Variants in SMC6 observed in about 807,000 individuals in gnomAD.
SMC6 encodes structural maintenance of chromosomes protein 6.
A neutral mutation model predicts 142.2 loss-of-function variants in SMC6; 79 were observed. The observed-to-expected ratio is 0.56, with a 90% CI of 0.46 to 0.67. SMC6 has a LOEUF of 0.67. Among genes scored for constraint, SMC6 ranks in the 30% least tolerant of loss-of-function variants. The pLI is 0.00. For synonymous variants in SMC6, 411 were observed against 412.4 expected, an observed-to-expected ratio of 1.00 and a Z score of 0.04; for missense variants, 1,072 against 1,284.0, an observed-to-expected ratio of 0.83 and a Z score of 2.52.
In SMC6 at chr2:17,731,894, G is replaced by T; in HGVS notation, c.345-17C>A. On this transcript the variant is annotated splice_polypyrimidine_tract_variant and intron_variant, in intron 5 of 27. Coordinates refer to ENST00000448223, the MANE Select transcript of SMC6 (RefSeq NM_001142286.2). ...TCTGCAGAGCTGAAAGAATGAGGTT[G>T]AGCTAAGTTACATGAAGATACAGTG... 1 of 1,609,778 alleles carries T rather than the reference G, an allele frequency of 6.2e-7. No homozygotes were observed. Among genetic ancestry groups the T allele is most frequent in the South Asian group, 1.1e-5 (1 of 90,332 alleles).
intron 16 of SMC6, among the ~76,000 whole-genome samples, chr2:17,714,306 C>T (rs1668975001): frequency 6.6e-6 from 1 of 152,000 alleles, no homozygotes; most frequent in South Asian, 2.1e-4. Flanking sequence ...GTTGCCCAGG[C>T]TCGTCTTGAA....
Position 17,667,918 on chromosome 2 carries a change from G to C in SMC6, c.3064-1401C>G, listed in dbSNP as rs542478586. Among the ~76,000 whole-genome samples, 11 of 152,300 alleles carry C rather than the reference G, an allele frequency of 7.2e-5. No individual in the cohort carries two copies. In the East Asian group the frequency reaches 1.9e-3, roughly 27 times the overall value. ...AATACAGCATGGTGATTTAGAACAA[G>C]GGCTGTGGAGTCAAAATGGGATACA... On this transcript the variant is annotated intron_variant, in intron 26 of 27. Transcript: ENST00000448223.
rs1666403783 is a variant in SMC6 at position 17,664,441 on chromosome 2, A to G, written c.*1058T>C. ...CTTTTTCTGAAAATAGTTCAATTTC[A>G]TATTTATTCTAATATTTATTGCTAC... On this transcript the variant is annotated 3_prime_UTR_variant, in exon 28 of 28. Transcript: ENST00000448223. 1 of 152,174 alleles carries G rather than the reference A, an allele frequency of 6.6e-6. No individual in the cohort carries two copies. Among genetic ancestry groups the G allele is most frequent in the Non-Finnish European group, 1.5e-5 (1 of 68,028 alleles). The allele number at this position is 152,174 out of a possible 1,614,324, so 9.4% of individuals were successfully genotyped here.
At chr2:17,705,941 G>A (rs1294625605) in intron 18 of SMC6, among the ~76,000 whole-genome samples, 1 of 151,984 alleles carries the variant, frequency 6.6e-6, no homozygotes, top group Non-Finnish European at 1.5e-5. Flanking sequence ...TCACTCTCTT[G>A]CCCCACACTA....
At chr2:17,743,319 A>G (rs1670569474) in intron 3 of SMC6, among the ~76,000 whole-genome samples, 1 of 152,182 alleles carries the variant, frequency 6.6e-6, no homozygotes, top group South Asian at 2.1e-4. Flanking sequence ...ATGTGTCTCC[A>G]TTTATTCAGG....
At position 17,673,080 on chromosome 2, in the gene SMC6, T is replaced by C. The variant is rs890357761; in HGVS notation, c.2911-2505A>G. Reference sequence around the variant, plus strand: ...CCTCACCAGCACAAAATATTGCCAGTCTTGTTCATTTTCATCATCATCATA... The same window carrying C: ...CCTCACCAGCACAAAATATTGCCAGCCTTGTTCATTTTCATCATCATCATA... On this transcript the variant is annotated intron_variant, in intron 25 of 27. Transcript: ENST00000448223. Among the ~76,000 whole-genome samples, 3 of 152,170 alleles carry C rather than the reference T, an allele frequency of 2.0e-5. 1 individual carries two copies. Among genetic ancestry groups the C allele is most frequent in the South Asian group, 4.1e-4 (2 of 4,826 alleles).
At chr2:17,713,263 T>C (rs1430366803) in intron 16 of SMC6, 1 of 317,456 alleles carries the variant, frequency 3.2e-6, no homozygotes, top group Non-Finnish European at 6.2e-6. Context: ...ACTAGGCTTT[T>C]GTATCTTAAG....
intron 16 of SMC6, among the ~76,000 whole-genome samples, chr2:17,710,006 G>A (rs1572305930): frequency 6.6e-6 from 1 of 152,304 alleles, no homozygotes; most frequent in East Asian, 1.9e-4. Flanking sequence ...CAGGCCTAGA[G>A]GTCACAGTCA....
At chr2:17,740,491 T>C (rs1188571730) in intron 4 of SMC6, among the ~76,000 whole-genome samples, 1 of 152,176 alleles carries the variant, frequency 6.6e-6, no homozygotes, top group East Asian at 1.9e-4. Flanking sequence ...TTTTTCCCCT[T>C]CTAATCCATT....
At chr2:17,748,449 T>C (rs1670861827) in intron 2 of SMC6, among the ~76,000 whole-genome samples, 1 of 152,230 alleles carries the variant, frequency 6.6e-6, no homozygotes, top group Non-Finnish European at 1.5e-5. Flanking sequence ...ATATTTAACC[T>C]AAACAAATGC....
At chr2:17,699,908 G>A (rs1668187565) in intron 21 of SMC6, among the ~76,000 whole-genome samples, 1 of 151,772 alleles carries the variant, frequency 6.6e-6, no homozygotes, top group Non-Finnish European at 1.5e-5. Context: ...CATTGTACAC[G>A]TACGAGACGT....
intron 3 of SMC6, among the ~76,000 whole-genome samples, chr2:17,743,811 T>C (rs1278088786): frequency 1.3e-5 from 2 of 152,242 alleles, no homozygotes; most frequent in African/African-American, 4.8e-5. Context: ...TTATGCCTTT[T>C]TCAGAACGTC....
At position 17,707,221 on chromosome 2, in the gene SMC6, T is replaced by C; in HGVS notation, c.2004A>G (p.Ile668Met). 6.3e-7 allele frequency: 1 copy of C among 1,575,608 alleles called. No homozygotes were observed. The highest frequency in any genetic ancestry group is 8.6e-7 in the Non-Finnish European group (1 of 1,163,880). The change falls in exon 18 of 28, where the codon ATA becomes ATG. Residue 668 changes from isoleucine (I) to methionine (M), a missense_variant and splice_region_variant. Ile to Met is a conservative substitution (Grantham distance 10). Coordinates refer to ENST00000448223, the MANE Select transcript of SMC6 (RefSeq NM_001142286.2). Reference sequence around the variant, plus strand: ...GTAAAGCTAAACTTGACTCTAACCTTATTTCAGAATCCACATCTCTGCTTA... The same window carrying C: ...GTAAAGCTAAACTTGACTCTAACCTCATTTCAGAATCCACATCTCTGCTTA... The part of the protein sequence containing the change: ...KFLSRDVDSE[I>M]SDLENEVENK...
intron 8 of SMC6, among the ~76,000 whole-genome samples, 198 bp from the exon 9 acceptor site, chr2:17,725,556 C>G (rs1012441408): frequency 6.6e-6 from 1 of 152,172 alleles, no homozygotes; most frequent in Non-Finnish European, 1.5e-5. Flanking sequence ...ACTATGCTCA[C>G]ATCCACATGT....
At chr2:17,751,028 A>AAG (rs1671003357) in intron 2 of SMC6, among the ~76,000 whole-genome samples, 1 of 151,362 alleles carries the variant, frequency 6.6e-6, no homozygotes, top group African/African-American at 2.4e-5. Context: ...AAAAAAAAAA[A>AAG]AGATTCTCTA....
intron 11 of SMC6, among the ~76,000 whole-genome samples, chr2:17,719,399 T>C (rs1028086271): frequency 5.9e-5 from 9 of 152,098 alleles, no homozygotes; most frequent in African/African-American, 1.9e-4. Flanking sequence ...TAAGACAAGG[T>C]GGTAAGGATA....
At chr2:17,704,430 A>G (rs189025217) in intron 18 of SMC6, among the ~76,000 whole-genome samples, 1 of 152,314 alleles carries the variant, frequency 6.6e-6, no homozygotes, top group East Asian at 1.9e-4. Flanking sequence ...CCAAATTCAT[A>G]AAAATGAGTC....
chr2:17,715,088 G>A, intron 15 of SMC6, 23 bp from the exon 16 acceptor site: 1 of 1,604,604 alleles, frequency 6.2e-7, no homozygotes, highest in Non-Finnish European at 8.5e-7. Context: ...GAAAATTACA[G>A]AAGGGCTCAT....
rs1219026185 is a variant in SMC6 at position 17,738,262 on chromosome 2, A to T, written c.303T>A (p.Asn101Lys). ...VGLGGRAVAT[N>K]RGSSLKGFVK... is the part of the protein sequence containing the mutation. ...CAAAACCTTTTAAAGAGGATCCTCT[A>T]TTAGTAGCAACTGCTCTTCCACCAA... The change falls in exon 5 of 28, where the codon AAT becomes AAA. Residue 101 changes from asparagine (N) to lysine (K), a missense_variant. Physicochemically the swap from Asn to Lys is moderately conservative, Grantham distance 94. Transcript: ENST00000448223. The T allele has an allele frequency of 6.2e-7, 1 of 1,613,758 alleles. No homozygotes were observed. Among genetic ancestry groups the T allele is most frequent in the South Asian group, 1.1e-5 (1 of 91,068 alleles).
Sources: allele counts gnomAD v4.1 joint callset (sites outside exome capture counted in the v4.1 genomes callset), GRCh38; gene constraint gnomAD v4.1.1; transcripts MANE v1.5; gene names NCBI Gene and HGNC (gene_info 2026-07-23, HGNC 2026-07-21).